The following PPFIBP2 variants were observed in gnomAD, a reference collection of about 807,000 sequenced individuals.
PPFIBP2 encodes PPFIB scaffold protein 2.
In PPFIBP2, 118 loss-of-function variants were observed where a neutral mutation model predicts 118.3. That is an observed-to-expected ratio of 1.00 (90% CI 0.86 to 1.16). PPFIBP2 has a LOEUF of 1.16. Ranked by LOEUF, PPFIBP2 falls within the 50% of genes most tolerant of loss-of-function variation. PPFIBP2 has a pLI of 0.00. For missense variants in PPFIBP2, 1,195 were observed against 1,073.1 expected, an observed-to-expected ratio of 1.11 and a Z score of -1.59; for synonymous variants, 414 against 397.4, an observed-to-expected ratio of 1.04 and a Z score of -0.50.
intron 4 of PPFIBP2, among the ~76,000 whole-genome samples, chr11:7,594,928 A>G (rs1056960190): frequency 6.6e-6 from 1 of 151,686 alleles, no homozygotes; most frequent in Non-Finnish European, 1.5e-5. Context: ...AAAAAAAAAA[A>G]AAAAAAAAAG....
chr11:7,629,630 G>A (rs905410439), intron 10 of PPFIBP2, 96 bp downstream of exon 10: 1 of 1,212,108 alleles, frequency 8.3e-7, no homozygotes, highest in African/African-American at 1.5e-5. Context: ...TTTCACCTCT[G>A]TTTCAGAGAA....
At chr11:7,654,257 TGATA>T (rs1854478236), downstream of PPFIBP2, among the ~76,000 whole-genome samples, 3 of 150,318 alleles carry the variant, frequency 2.0e-5, no homozygotes, top group Admixed American at 2.0e-4. Context: ...GCTGACTGAC[TGATA>T]ATGACTGATA....
At position 7,552,392 on chromosome 11, in the gene PPFIBP2, T is replaced by G. The variant is rs1318102316; in HGVS notation, c.64+2853T>G. On this transcript the variant is annotated intron_variant, in intron 2 of 23. Transcript: ENST00000299492. Reference sequence around the variant, plus strand: ...AATCTTTTCTGGGGACGGGGTAGTATTCTATTTATTAAAGCTCTTATTTCT... The same window carrying G: ...AATCTTTTCTGGGGACGGGGTAGTAGTCTATTTATTAAAGCTCTTATTTCT... Among the ~76,000 whole-genome samples, 9 of 152,336 alleles carry G rather than the reference T, an allele frequency of 5.9e-5. No individual in the cohort carries two copies. The East Asian group carries it at 1.7e-3, about 29-fold the overall frequency.
In PPFIBP2 at chr11:7,593,199, G is replaced by A. The variant is rs148982716; in HGVS notation, c.347G>A (p.Gly116Glu). ...TYQERLARLE[G>E]DKESLILQVS... Reference sequence around the variant, plus strand: ...CAGGAACGCTTGGCACGTCTAGAAGGGGATAAGGAGTCCCTCATATTGCAG... The same window carrying A: ...CAGGAACGCTTGGCACGTCTAGAAGAGGATAAGGAGTCCCTCATATTGCAG... The change falls in exon 4 of 24, where the codon GGG (glycine) becomes GAG (glutamate). Residue 116 changes from glycine to glutamate, a missense_variant. Gly to Glu is a moderately conservative substitution (Grantham distance 98, BLOSUM62 -2). Coordinates refer to ENST00000299492, the MANE Select transcript of PPFIBP2 (RefSeq NM_003621.5). 24 of 1,614,026 alleles carry A rather than the reference G, an allele frequency of 1.5e-5. 1 individual carries two copies. In the South Asian group the frequency reaches 2.1e-4, roughly 14 times the overall value.
At chr11:7,663,579 T>C in the PPFIBP2 span, among the ~76,000 whole-genome samples, 6 of 152,196 alleles carry the variant, frequency 3.9e-5, no homozygotes, top group Non-Finnish European at 5.9e-5. Flanking sequence ...TTTAAGTCTG[T>C]AGAAGTTACT....
chr11:7,570,067 A>G (rs115904763), intron 3 of PPFIBP2, among the ~76,000 whole-genome samples: 183 of 152,236 alleles, frequency 1.2e-3, no homozygotes, highest in African/African-American at 4.3e-3. Flanking sequence ...AACTGTGACC[A>G]CTTCCAGGAT....
At chr11:7,592,854 G>GCTGGGC (rs1285409713) in intron 3 of PPFIBP2, among the ~76,000 whole-genome samples, 1 of 152,198 alleles carries the variant, frequency 6.6e-6, no homozygotes, top group Non-Finnish European at 1.5e-5. Context: ...GTCAAGCACT[G>GCTGGGC]CTGGGCCTAG....
chr11:7,664,818 C>CCT, the PPFIBP2 span, among the ~76,000 whole-genome samples: 1 of 150,964 alleles, frequency 6.6e-6, no homozygotes, highest in Non-Finnish European at 1.5e-5. Flanking sequence ...CCCCCCACCC[C>CCT]GACAGACCCT....
Position 7,648,459 on chromosome 11 carries a change from T to A in PPFIBP2, c.1719T>A (p.Ala573=). 1 of 1,614,124 alleles carries A rather than the reference T, an allele frequency of 6.2e-7. No homozygotes were observed. Among genetic ancestry groups the A allele is most frequent in the African/African-American group, 1.3e-5 (1 of 75,020 alleles). ...CATGGCTGGAGGACTTTGGCCTGGC[T>A]CAGTATGTGATCTTTGCCAGGCAGT... ...VCAWLEDFGL[A]QYVIFARQWV... Residue 573 remains alanine, a synonymous_variant, in exon 18 of 24, where the codon GCT becomes GCA. Coordinates refer to ENST00000299492, the MANE Select transcript of PPFIBP2 (RefSeq NM_003621.5).
At chr11:7,531,693 G>C (rs539687536) in intron 1 of PPFIBP2, among the ~76,000 whole-genome samples, 15 of 152,006 alleles carry the variant, frequency 9.9e-5, no homozygotes, top group African/African-American at 3.6e-4. Context: ...AGTTTGCTTG[G>C]GCTGCCATAA....
At chr11:7,573,099 G>A (rs545548486) in intron 3 of PPFIBP2, among the ~76,000 whole-genome samples, 10 of 152,140 alleles carry the variant, frequency 6.6e-5, no homozygotes, top group East Asian at 1.9e-4. Flanking sequence ...TTTTGAAAGC[G>A]GTTTCCTAAC....
chr11:7,526,214 T>C (rs757377832), intron 1 of PPFIBP2, among the ~76,000 whole-genome samples: 2 of 152,110 alleles, frequency 1.3e-5, no homozygotes, highest in Non-Finnish European at 2.9e-5. Flanking sequence ...TAAAGTGCTG[T>C]AAGATTTTGG....
At chr11:7,538,750 C>G (rs1199913676) in intron 1 of PPFIBP2, among the ~76,000 whole-genome samples, 1 of 152,184 alleles carries the variant, frequency 6.6e-6, no homozygotes, top group Non-Finnish European at 1.5e-5. Context: ...AACTCACTAA[C>G]CTGGTATAGC....
chr11:7,601,090 T>A (rs557664994), intron 5 of PPFIBP2, among the ~76,000 whole-genome samples: 1 of 152,282 alleles, frequency 6.6e-6, no homozygotes, highest in Non-Finnish European at 1.5e-5. Context: ...CATTGAGCTG[T>A]CTCTCTCCAT....
intron 10 of PPFIBP2, 85 bp from the exon 11 acceptor site, chr11:7,630,840 G>A (rs1046816705): frequency 4.2e-5 from 41 of 970,916 alleles, no homozygotes; most frequent in Non-Finnish European, 5.8e-5. Flanking sequence ...TAATGAAGGA[G>A]AAACAATGTT....
At chr11:7,579,605 T>C (rs2134987747) in intron 3 of PPFIBP2, among the ~76,000 whole-genome samples, 1 of 152,298 alleles carries the variant, frequency 6.6e-6, no homozygotes, top group South Asian at 2.1e-4. Context: ...TCCCAGCCCC[T>C]GGGGCAGATA....
intron 3 of PPFIBP2, chr11:7,577,245 C>G (rs1173899309): frequency 5.5e-6 from 1 of 182,800 alleles, no homozygotes; most frequent in African/African-American, 2.4e-5. Flanking sequence ...TCTTTTTTCT[C>G]TACCTTTGTG....
At chr11:7,569,327 G>A (rs750732766) in intron 3 of PPFIBP2, among the ~76,000 whole-genome samples, 2 of 152,228 alleles carry the variant, frequency 1.3e-5, no homozygotes, top group African/African-American at 4.8e-5. Flanking sequence ...AAACAGAGGC[G>A]ACTAGTTCTA....
At chr11:7,610,789 A>C (rs1454185532) in intron 6 of PPFIBP2, among the ~76,000 whole-genome samples, 1 of 152,212 alleles carries the variant, frequency 6.6e-6, no homozygotes, top group East Asian at 1.9e-4. Context: ...TAGGCCATTG[A>C]CACTGGATCC....
Sources: gnomAD v4.1 joint callset for allele counts (sites outside exome capture counted in the v4.1 genomes callset) on GRCh38, gnomAD v4.1.1 for gene constraint, MANE v1.5 for transcripts, NCBI Gene and HGNC (gene_info 2026-07-23, HGNC 2026-07-21) for gene names.